NOX4: variants seen among roughly 807,000 people sequenced by gnomAD.
NOX4 encodes the protein kidney oxidase-1.
A neutral mutation model predicts 87.6 loss-of-function variants in NOX4; 69 were observed. The ratio of observed to expected loss-of-function variants is 0.79; its 90% CI spans 0.65 to 0.96. NOX4 has a LOEUF of 0.96. Ranked by LOEUF, NOX4 falls within the 40% of genes least tolerant of loss-of-function variation. The probability of loss-of-function intolerance (pLI) is 0.00; values close to 1 mark genes in which losing one functional copy is unlikely to be tolerated. For synonymous variants in NOX4, 275 were observed against 238.2 expected (o/e 1.15, Z -1.42); for missense variants, 680 against 681.5 (o/e 1.00, Z 0.02).
chr11:89,437,817 C>G (rs182017176), intron 6 of NOX4, among the ~76,000 whole-genome samples: 13 of 152,026 alleles, frequency 8.6e-5, no homozygotes, highest in Admixed American at 6.6e-4. Flanking sequence ...GTTCCAGGAC[C>G]CCTCACAGAT....
At chr11:89,391,958 C>T (rs1222407486) in intron 11 of NOX4, among the ~76,000 whole-genome samples, 4 of 145,344 alleles carry the variant, frequency 2.8e-5, no homozygotes, top group Non-Finnish European at 4.5e-5. Context: ...CTTCTCCTTC[C>T]TTCCTTCCTT....
chr11:89,521,757 G>A, the NOX4 span, among the ~76,000 whole-genome samples: 27 of 151,930 alleles, frequency 1.8e-4, no homozygotes, highest in Non-Finnish European at 3.5e-4. Flanking sequence ...CTACAGAATG[G>A]GAGAAGATAA....
chr11:89,413,091 T>G (rs1042017875), intron 8 of NOX4, among the ~76,000 whole-genome samples: 3 of 152,060 alleles, frequency 2.0e-5, no homozygotes, highest in African/African-American at 7.2e-5. Flanking sequence ...CAACATCACA[T>G]CATCAGATAA....
In NOX4 at chr11:89,324,889, GGAA is replaced by G. The variant is rs1945160083; in HGVS notation, c.*1864_*1866del. On this transcript the variant is annotated 3_prime_UTR_variant, in exon 18 of 18. Coordinates refer to ENST00000263317, the MANE Select transcript of NOX4 (RefSeq NM_016931.5). ...CATAGAAAGGAGAATTTCAAGGAAA[GGAA>G]GAAATATCTACAAGTAAATATCATT... is the stretch of plus-strand genomic sequence containing the variant. 1 of 152,016 alleles carries G rather than the reference GGAA, an allele frequency of 6.6e-6. No homozygotes were observed. Among genetic ancestry groups the G allele is most frequent in the Non-Finnish European group, 1.5e-5 (1 of 68,012 alleles). 9.4% of individuals were successfully genotyped at this position (152,016 alleles called of 1,614,324 possible).
rs750393057 is a variant in NOX4 at position 89,422,028 on chromosome 11, C to T, written c.549-46G>A. The T allele has an allele frequency of 5.8e-6, 6 of 1,034,408 alleles. No homozygotes were observed. The South Asian group carries it at 7.6e-5, about 13-fold the overall frequency. 64.1% of individuals were successfully genotyped at this position (1,034,408 alleles called of 1,614,324 possible). On this transcript the variant is annotated intron_variant, in intron 7 of 17. Coordinates refer to ENST00000263317, the MANE Select transcript of NOX4 (RefSeq NM_016931.5). ...ATTTTAATGCTACTTTACATTCCAT[C>T]TTACTAAAAATATCAAAAATACCAT...
chr11:89,426,113 G>A (rs1350176583), intron 7 of NOX4, among the ~76,000 whole-genome samples: 1 of 152,140 alleles, frequency 6.6e-6, no homozygotes, highest in East Asian at 1.9e-4. Context: ...GAATCAATAT[G>A]AATGCAGATA....
intron 7 of NOX4, among the ~76,000 whole-genome samples, chr11:89,429,884 T>A (rs911780637): frequency 1.3e-5 from 2 of 152,164 alleles, no homozygotes; most frequent in African/African-American, 4.8e-5. Context: ...TACCAAAGCC[T>A]GGCAGAGACA....
At chr11:89,330,821 A>C (rs1231638593) in intron 17 of NOX4, among the ~76,000 whole-genome samples, 1 of 152,090 alleles carries the variant, frequency 6.6e-6, no homozygotes, top group Non-Finnish European at 1.5e-5. Flanking sequence ...TAAATGATTT[A>C]AACACTGAAA....
chr11:89,574,763 C>T, the NOX4 span, among the ~76,000 whole-genome samples: 17 of 152,176 alleles, frequency 1.1e-4, no homozygotes. Flanking sequence ...TACTACAATA[C>T]ATCAATAGTG....
At chr11:89,418,546 T>C (rs1424321629) in intron 8 of NOX4, among the ~76,000 whole-genome samples, 1 of 151,492 alleles carries the variant, frequency 6.6e-6, no homozygotes. Flanking sequence ...TGTTAATATA[T>C]TCGAAGAGAC....
At chr11:89,330,149 A>G (rs1046910546) in intron 17 of NOX4, among the ~76,000 whole-genome samples, 2 of 152,040 alleles carry the variant, frequency 1.3e-5, no homozygotes, top group African/African-American at 4.8e-5. Context: ...TATTCAAAGT[A>G]CCAGCCTGGC....
chr11:89,472,315 T>G (rs1038201718), intron 2 of NOX4, among the ~76,000 whole-genome samples: 1 of 152,142 alleles, frequency 6.6e-6, no homozygotes, highest in Non-Finnish European at 1.5e-5. Context: ...CTTTTAACTA[T>G]GATGTAATTT....
At chr11:89,432,238 A>G (rs1366485364) in intron 7 of NOX4, among the ~76,000 whole-genome samples, 2 of 152,068 alleles carry the variant, frequency 1.3e-5, no homozygotes, top group East Asian at 3.9e-4. Flanking sequence ...ATTAGGAGAT[A>G]TACCTAATGT....
chr11:89,373,973 C>CT (rs1191611207), intron 11 of NOX4, among the ~76,000 whole-genome samples: 2 of 152,070 alleles, frequency 1.3e-5, no homozygotes, highest in South Asian at 2.1e-4. Context: ...AGAAATAACT[C>CT]TATTTCATTC....
intron 11 of NOX4, among the ~76,000 whole-genome samples, chr11:89,378,670 A>C (rs1940044861): frequency 6.6e-6 from 1 of 152,176 alleles, no homozygotes; most frequent in African/African-American, 2.4e-5. Context: ...TAGGAAGAAA[A>C]ATATGGGAGA....
chr11:89,531,989 T>A, the NOX4 span, among the ~76,000 whole-genome samples: 47 of 152,186 alleles, frequency 3.1e-4, 1 homozygote, highest in African/African-American at 1.1e-3. Context: ...GGCCTGTGGG[T>A]GTGCAAAGAT....
At chr11:89,364,476 C>A (rs1362535938) in intron 12 of NOX4, among the ~76,000 whole-genome samples, 1 of 151,964 alleles carries the variant, frequency 6.6e-6, no homozygotes, top group Non-Finnish European at 1.5e-5. Flanking sequence ...TTATATAAAA[C>A]TATCTTTTTT....
At chr11:89,486,601 CAT>C (rs747716208) in intron 2 of NOX4, among the ~76,000 whole-genome samples, 3,944 of 90,462 alleles carry the variant, frequency 0.044, 196 homozygotes, top group African/African-American at 0.11. Context: ...TGTATATATA[CAT>C]ATATATGTGT....
intron 8 of NOX4, among the ~76,000 whole-genome samples, chr11:89,420,124 G>C (rs1943006876): frequency 6.6e-6 from 1 of 151,970 alleles, no homozygotes; most frequent in African/African-American, 2.4e-5. Flanking sequence ...AGAATGCCTA[G>C]GTTTGAATCT....
Sources: allele counts gnomAD v4.1 joint callset (sites outside exome capture counted in the v4.1 genomes callset), GRCh38; gene constraint gnomAD v4.1.1; transcripts MANE v1.5; gene names NCBI Gene and HGNC (gene_info 2026-07-23, HGNC 2026-07-21).